Variants in TMEM117 observed in about 807,000 individuals in gnomAD.
The protein encoded by TMEM117 is transmembrane protein 117.
TMEM117 carries 27 observed loss-of-function variants against 52.4 expected under a neutral mutation model. The observed-to-expected ratio is 0.51, with a 90% CI of 0.38 to 0.71. The LOEUF (loss-of-function observed/expected upper bound fraction) is 0.71. Among genes scored for constraint, TMEM117 ranks in the 30% least tolerant of loss-of-function variants. The probability of loss-of-function intolerance (pLI) is 0.00; values close to 1 mark genes in which losing one functional copy is unlikely to be tolerated. For missense variants in TMEM117, 556 were observed against 630.5 expected (o/e 0.88, Z 1.26); for synonymous variants, 215 against 206.3 (o/e 1.04, Z -0.36).
intron 6 of TMEM117, among the ~76,000 whole-genome samples, chr12:44,314,892 C>CT (rs1174938312): frequency 2.6e-5 from 4 of 152,026 alleles, no homozygotes; most frequent in African/African-American, 7.2e-5. Flanking sequence ...TGATCCAGAG[C>CT]TTTTTTGTAT....
intron 2 of TMEM117, among the ~76,000 whole-genome samples, chr12:43,907,304 A>G (rs1193952604): frequency 6.6e-6 from 1 of 151,352 alleles, no homozygotes; most frequent in African/African-American, 2.4e-5. Context: ...TAGAAGGAAA[A>G]CTAACAAACA....
intron 6 of TMEM117, among the ~76,000 whole-genome samples, chr12:44,348,864 C>G (rs893754633): frequency 1.3e-5 from 2 of 151,820 alleles, no homozygotes; most frequent in Non-Finnish European, 2.9e-5. Flanking sequence ...TTTTTCTTAA[C>G]AGGTCTTATT....
At chr12:44,062,459 C>T (rs1353520258) in intron 3 of TMEM117, among the ~76,000 whole-genome samples, 1 of 152,282 alleles carries the variant, frequency 6.6e-6, no homozygotes, top group Non-Finnish European at 1.5e-5. Context: ...TATGAAATAG[C>T]TCAGTATTTT....
At position 44,296,789 on chromosome 12, in the gene TMEM117, C is replaced by T. The variant is rs189092925; in HGVS notation, c.609-2791C>T. On this transcript the variant is annotated intron_variant, in intron 5 of 7. Coordinates refer to ENST00000266534, the MANE Select transcript of TMEM117 (RefSeq NM_032256.3). ...GTCGACAGCTAGGGCTGAGATCAGC[C>T]GGTCTGTTGTACAAAGTGCATGTGG... Among the ~76,000 whole-genome samples, 348 of 152,248 alleles carry T rather than the reference C, an allele frequency of 2.3e-3. 1 individual carries two copies. The highest frequency in any genetic ancestry group is 3.0e-3 in the Non-Finnish European group (204 of 68,016).
chr12:43,898,360 T>C (rs945119266), intron 2 of TMEM117, among the ~76,000 whole-genome samples: 1 of 148,504 alleles, frequency 6.7e-6, no homozygotes, highest in Non-Finnish European at 1.5e-5. Context: ...GTGATTAATA[T>C]ATATTATTAA....
chr12:43,840,704 A>G (rs1195417789), intron 1 of TMEM117, among the ~76,000 whole-genome samples: 1 of 152,232 alleles, frequency 6.6e-6, no homozygotes, highest in East Asian at 1.9e-4. Context: ...CTTATGATCA[A>G]GTGAGGGAGA....
chr12:43,845,829 G>A (rs972784423), intron 2 of TMEM117, among the ~76,000 whole-genome samples: 8 of 152,248 alleles, frequency 5.3e-5, no homozygotes, highest in African/African-American at 1.9e-4. Context: ...TGCTCAGAAT[G>A]ATGGTTTCCA....
chr12:44,148,547 TTGAG>T (rs1331528033), intron 4 of TMEM117, among the ~76,000 whole-genome samples: 1 of 152,200 alleles, frequency 6.6e-6, no homozygotes, highest in Non-Finnish European at 1.5e-5. Context: ...GTCTAAATAT[TTGAG>T]TGACAATTTT....
At chr12:44,111,826 T>G (rs1948061983) in intron 3 of TMEM117, among the ~76,000 whole-genome samples, 1 of 134,678 alleles carries the variant, frequency 7.4e-6, no homozygotes, top group Non-Finnish European at 1.5e-5. Context: ...CTCCCATTAT[T>G]AATGTGTGGG....
At chr12:43,872,164 T>C (rs1943717228) in intron 2 of TMEM117, among the ~76,000 whole-genome samples, 1 of 152,222 alleles carries the variant, frequency 6.6e-6, no homozygotes, top group Non-Finnish European at 1.5e-5. Flanking sequence ...GGTCTATTCC[T>C]GCCTTTTTAG....
intron 6 of TMEM117, among the ~76,000 whole-genome samples, chr12:44,363,582 A>T (rs1565758895): frequency 1.3e-5 from 2 of 152,206 alleles, no homozygotes; most frequent in Non-Finnish European, 2.9e-5. Context: ...TATGATAATT[A>T]TTCTTTCTCA....
intron 6 of TMEM117, among the ~76,000 whole-genome samples, chr12:44,344,037 G>A (rs1951451701): frequency 6.6e-6 from 1 of 152,092 alleles, no homozygotes; most frequent in Non-Finnish European, 1.5e-5. Flanking sequence ...GTTCAGTGCT[G>A]AGCACAAAGG....
At chr12:44,231,058 A>G (rs901319999) in intron 5 of TMEM117, among the ~76,000 whole-genome samples, 1 of 152,010 alleles carries the variant, frequency 6.6e-6, no homozygotes, top group East Asian at 1.9e-4. Flanking sequence ...ATAAAATGTC[A>G]TCAACATTCC....
At chr12:44,397,033 A>C in the TMEM117 span, among the ~76,000 whole-genome samples, 2 of 152,144 alleles carry the variant, frequency 1.3e-5, no homozygotes, top group Non-Finnish European at 2.9e-5. Context: ...TAAGAATAGA[A>C]AATTTAAAAA....
chr12:43,839,094 T>C (rs1943077536), intron 1 of TMEM117, among the ~76,000 whole-genome samples: 1 of 152,180 alleles, frequency 6.6e-6, no homozygotes, highest in South Asian at 2.1e-4. Context: ...TTTTATTAGT[T>C]ATTTTTGAAT....
At chr12:43,978,684 T>A (rs982827256) in intron 3 of TMEM117, among the ~76,000 whole-genome samples, 1 of 152,152 alleles carries the variant, frequency 6.6e-6, no homozygotes, top group African/African-American at 2.4e-5. Context: ...TATCTGAAGA[T>A]CTAGAGATAG....
chr12:43,903,351 A>G (rs548991240), intron 2 of TMEM117, among the ~76,000 whole-genome samples: 1 of 152,316 alleles, frequency 6.6e-6, no homozygotes, highest in African/African-American at 2.4e-5. Flanking sequence ...TATAAAATCA[A>G]TTGAGTCCAA....
chr12:43,928,471 T>C (rs1448915766), intron 2 of TMEM117, among the ~76,000 whole-genome samples: 1 of 152,132 alleles, frequency 6.6e-6, no homozygotes, highest in Non-Finnish European at 1.5e-5. Flanking sequence ...TTTTTGTTTT[T>C]TTCATTTTTA....
intron 6 of TMEM117, among the ~76,000 whole-genome samples, chr12:44,322,896 G>A (rs867528822): frequency 1.3e-5 from 2 of 152,130 alleles, no homozygotes; most frequent in Non-Finnish European, 2.9e-5. Context: ...GGCAAAGGGG[G>A]ATTAAGGTTA....
Sources: allele counts gnomAD v4.1 joint callset (sites outside exome capture counted in the v4.1 genomes callset), GRCh38; gene constraint gnomAD v4.1.1; transcripts MANE v1.5; gene names NCBI Gene and HGNC (gene_info 2026-07-23, HGNC 2026-07-21).